The following SLC6A16 variants were observed in gnomAD, a reference collection of about 807,000 sequenced individuals.
SLC6A16 encodes the protein orphan sodium- and chloride-dependent neurotransmitter transporter NTT5.
Under a neutral mutation model 65.4 loss-of-function variants are expected in SLC6A16, and 54 were observed. The ratio of observed to expected loss-of-function variants is 0.83; its 90% CI spans 0.66 to 1.04. The LOEUF (loss-of-function observed/expected upper bound fraction) is 1.04. Among genes scored for constraint, SLC6A16 ranks in the 50% least tolerant of loss-of-function variants. The probability of loss-of-function intolerance (pLI) is 0.00; values close to 1 mark genes in which losing one functional copy is unlikely to be tolerated. For missense variants in SLC6A16, 816 were observed against 914.0 expected (o/e 0.89, Z 1.38); for synonymous variants, 330 against 346.5 (o/e 0.95, Z 0.53).
Position 49,290,713 on chromosome 19 carries a change from A to G in SLC6A16, c.1833T>C (p.Gly611=), listed in dbSNP as rs1202929509. ...LLGHPISPIF[G]WLWPHLCPVV... ...CTGGACACAGATGGGGCCACAGCCA[A>G]CCAAAGATGGGAGAGATGGGGTGGC... The change falls in exon 11 of 12, where the codon GGT becomes GGC. Residue 611 remains glycine, a synonymous_variant. Transcript: ENST00000335875. The G allele has an allele frequency of 1.9e-6, 3 of 1,613,740 alleles. No individual in the cohort carries two copies. The highest frequency in any genetic ancestry group is 2.5e-6 in the Non-Finnish European group (3 of 1,179,818).
chr19:49,339,992 CCAAA>C, the SLC6A16 span: 2 of 1,437,912 alleles, frequency 1.4e-6, no homozygotes, highest in Non-Finnish European at 1.8e-6. This position sits in a 1 kb window ranked among gnomAD's most constrained non-coding sequence, Gnocchi z 4.5. Context: ...AGATGAGCCT[CCAAA>C]ATAAAGGACC....
chr19:49,337,810 T>G, the SLC6A16 span: 3 of 1,563,764 alleles, frequency 1.9e-6, no homozygotes, highest in Non-Finnish European at 2.6e-6. Flanking sequence ...AGCCATTCAG[T>G]AAGGATTTGA....
upstream of SLC6A16, among the ~76,000 whole-genome samples, chr19:49,329,835 G>T (rs1970831563): frequency 6.6e-6 from 1 of 151,830 alleles, no homozygotes; most frequent in Non-Finnish European, 1.5e-5. Flanking sequence ...GGGTTTCACT[G>T]TGTTAGCCAG....
the SLC6A16 span, chr19:49,331,563 T>C: frequency 0.01 from 3,635 of 354,190 alleles, 25 homozygotes; most frequent in Non-Finnish European, 0.015. Context: ...GGTTAGCTGA[T>C]TTAACAAACA....
chr19:49,315,553 G>C (rs934550312), intron 1 of SLC6A16, among the ~76,000 whole-genome samples: 1 of 152,184 alleles, frequency 6.6e-6, no homozygotes, highest in African/African-American at 2.4e-5. Flanking sequence ...AGCCCTTTGG[G>C]AGGCTGAGGC....
the SLC6A16 span, chr19:49,339,366 A>C: frequency 1.2e-5 from 20 of 1,613,858 alleles, no homozygotes; most frequent in East Asian, 8.9e-5. The surrounding 1 kb of genome is among the most constrained non-coding windows in gnomAD (Gnocchi z 4.5). Context: ...GCTGCACAAC[A>C]ACCTTATTTC....
chr19:49,331,491 G>A, the SLC6A16 span: 5 of 286,340 alleles, frequency 1.7e-5, no homozygotes, highest in Non-Finnish European at 3.5e-5. Context: ...CCATAATAAT[G>A]TTTTGATATA....
chr19:49,339,765 C>A, the SLC6A16 span: 2 of 1,378,122 alleles, frequency 1.5e-6, no homozygotes, highest in Non-Finnish European at 1.9e-6. This position sits in a 1 kb window ranked among gnomAD's most constrained non-coding sequence, Gnocchi z 4.5. Context: ...CCAGCCTGAT[C>A]GCTGACGGCG....
the SLC6A16 span, chr19:49,339,728 C>A: frequency 1.4e-5 from 19 of 1,399,242 alleles, no homozygotes; most frequent in Non-Finnish European, 1.8e-5. The surrounding 1 kb of genome is among the most constrained non-coding windows in gnomAD (Gnocchi z 4.5). Flanking sequence ...CCGCACGTGC[C>A]GGGCGCTGGG....
intron 1 of SLC6A16, chr19:49,312,430 A>G: frequency 2.3e-6 from 1 of 430,510 alleles, no homozygotes; most frequent in Non-Finnish European, 3.1e-6. Context: ...TCATCTCCTG[A>G]CTTTATTATC....
rs1340342472 is a variant in SLC6A16 at position 49,311,078 on chromosome 19, C to T, written c.270G>A (p.Gln90=). The T allele has an allele frequency of 6.2e-7, 1 of 1,614,252 alleles. No individual in the cohort carries two copies. Among genetic ancestry groups the T allele is most frequent in the South Asian group, 1.1e-5 (1 of 91,086 alleles). ...LNQKPTHEKV[Q]MTEKKESEVL... Reference sequence around the variant, plus strand: ...CCTCACTCTCTTTCTTCTCTGTCATCTGCACCTTCTCATGCGTGGGTTTCT... The same window carrying T: ...CCTCACTCTCTTTCTTCTCTGTCATTTGCACCTTCTCATGCGTGGGTTTCT... Residue 90 remains glutamine, a synonymous_variant, in exon 2 of 12, where the codon CAG becomes CAA. Coordinates refer to ENST00000335875, the MANE Select transcript of SLC6A16 (RefSeq NM_014037.3).
At chr19:49,332,418 G>A in the SLC6A16 span, 21 of 379,268 alleles carry the variant, frequency 5.5e-5, no homozygotes, top group South Asian at 4.1e-4. Context: ...AGCTGGGTGT[G>A]CTGGCAGGCG....
intron 1 of SLC6A16, among the ~76,000 whole-genome samples, chr19:49,318,868 A>ACTTTT (rs1970659002): frequency 9.6e-6 from 1 of 104,590 alleles, no homozygotes. Context: ...ACAACTGGCT[A>ACTTTT]TTTTTTTTTT....
chr19:49,299,654 A>G (rs563420740), intron 7 of SLC6A16, among the ~76,000 whole-genome samples: 2 of 151,990 alleles, frequency 1.3e-5, no homozygotes, highest in African/African-American at 4.8e-5. Context: ...TCCAGATACA[A>G]TAGATTTCAA....
chr19:49,332,342 G>C, the SLC6A16 span: 1 of 452,204 alleles, frequency 2.2e-6, no homozygotes, highest in South Asian at 1.6e-5. Context: ...GGATCACGAG[G>C]TCAGGAATTC....
chr19:49,303,714 T>G (rs376574934), intron 7 of SLC6A16, among the ~76,000 whole-genome samples: 2 of 152,062 alleles, frequency 1.3e-5, no homozygotes, highest in African/African-American at 4.8e-5. Context: ...TGGTCTCATC[T>G]AACGCCCTTC....
At chr19:49,300,833 C>G (rs1263815927) in intron 7 of SLC6A16, among the ~76,000 whole-genome samples, 1 of 152,060 alleles carries the variant, frequency 6.6e-6, no homozygotes, top group Admixed American at 6.6e-5. Flanking sequence ...GGGAGGATCA[C>G]TTGAGGTCAG....
intron 7 of SLC6A16, 74 bp from the exon 8 acceptor site, chr19:49,294,627 A>G (rs1356978597): frequency 1.5e-6 from 2 of 1,324,174 alleles, no homozygotes; most frequent in African/African-American, 3.3e-5. Flanking sequence ...CTTATCTTCA[A>G]GATAAAAAAG....
chr19:49,296,711 A>C lies in SLC6A16; in HGVS notation c.1230-2158T>G, dbSNP rs376807270. Among the ~76,000 whole-genome samples the C allele has an allele frequency of 1.9e-4, 29 of 152,264 alleles. 1 individual carries two copies. The highest frequency in any genetic ancestry group is 9.8e-4 in the Admixed American group (15 of 15,290). On this transcript the variant is annotated intron_variant, in intron 7 of 11. Coordinates refer to ENST00000335875, the MANE Select transcript of SLC6A16 (RefSeq NM_014037.3). ...GAGAAAAATCTTTGCAATCTTGGCC[A>C]GGCGCGGTGGCTCATGCCTGTAATC...
Sources: allele counts gnomAD v4.1 joint callset (sites outside exome capture counted in the v4.1 genomes callset), GRCh38; gene constraint gnomAD v4.1.1; non-coding constraint Gnocchi (gnomAD v3.1); transcripts MANE v1.5; gene names NCBI Gene and HGNC (gene_info 2026-07-23, HGNC 2026-07-21).